Variants in ECPAS observed in about 807,000 individuals in gnomAD.
ECPAS encodes proteasome adapter and scaffold protein ECM29.
A neutral mutation model predicts 255.1 loss-of-function variants in ECPAS; 70 were observed. That is an observed-to-expected ratio of 0.27 (90% confidence interval 0.23 to 0.33). ECPAS has a LOEUF of 0.33. Ranked by LOEUF, ECPAS falls within the 10% of genes least tolerant of loss-of-function variation. The pLI, the probability that ECPAS is intolerant of heterozygous loss-of-function variation, is 1.00. For synonymous variants in ECPAS, 784 were observed against 775.0 expected, an observed-to-expected ratio of 1.01 and a Z score of -0.19; for missense variants, 1,817 against 2,206.4, an observed-to-expected ratio of 0.82 and a Z score of 3.54.
intron 20 of ECPAS, among the ~76,000 whole-genome samples, chr9:111,413,268 A>G (rs949982690): frequency 6.6e-6 from 1 of 152,240 alleles, no homozygotes; most frequent in South Asian, 2.1e-4. Context: ...GACCATCTAT[A>G]AAGATCTAGA....
intron 8 of ECPAS, 44 bp from the exon 9 acceptor site, chr9:111,430,672 C>T: frequency 7.5e-7 from 1 of 1,332,214 alleles, no homozygotes; most frequent in Non-Finnish European, 1.0e-6. Flanking sequence ...ATTTTTCCCC[C>T]TCCTTCAGTG....
chr9:111,403,045 T>C (rs1042888790), intron 24 of ECPAS, among the ~76,000 whole-genome samples: 2 of 152,086 alleles, frequency 1.3e-5, no homozygotes, highest in African/African-American at 4.8e-5. Flanking sequence ...AGACCAACTA[T>C]ATGCTGCCTA....
chr9:111,442,164 C>G, intron 5 of ECPAS, 142 bp downstream of exon 5: 1 of 538,590 alleles, frequency 1.9e-6, no homozygotes, highest in Non-Finnish European at 3.3e-6. Flanking sequence ...CTTTGAGGTA[C>G]CACGGAAAAT....
At chr9:111,446,968 G>C (rs1261367423) in intron 3 of ECPAS, among the ~76,000 whole-genome samples, 2 of 152,162 alleles carry the variant, frequency 1.3e-5, no homozygotes, top group African/African-American at 4.8e-5. Flanking sequence ...TAGGCGACAA[G>C]AGAAAACAAT....
At chr9:111,362,601 A>AT (rs1223416280) in intron 49 of ECPAS, among the ~76,000 whole-genome samples, 2 of 152,184 alleles carry the variant, frequency 1.3e-5, no homozygotes, top group African/African-American at 2.4e-5. Context: ...GGTCAGATAA[A>AT]TAGATGACAC....
At chr9:111,410,545 C>T (rs1220509585) in intron 22 of ECPAS, among the ~76,000 whole-genome samples, 1 of 152,016 alleles carries the variant, frequency 6.6e-6, no homozygotes, top group African/African-American at 2.4e-5. Context: ...GAGACAAGGT[C>T]GAGCTCTGTC....
intron 9 of ECPAS, among the ~76,000 whole-genome samples, chr9:111,429,549 C>T (rs1445003324): frequency 2.0e-5 from 3 of 152,202 alleles, no homozygotes; most frequent in South Asian, 2.1e-4. Flanking sequence ...GTTATGTGAT[C>T]AGCCAAACCT....
intron 18 of ECPAS, among the ~76,000 whole-genome samples, chr9:111,415,557 C>T (rs1473925213): frequency 6.6e-6 from 1 of 151,842 alleles, no homozygotes; most frequent in African/African-American, 2.4e-5. Flanking sequence ...CAGAATTAGC[C>T]AGGGGTGGTG....
At chr9:111,397,237 G>A in intron 24 of ECPAS, 84 bp from the exon 25 acceptor site, 2 of 1,540,452 alleles carry the variant, frequency 1.3e-6, no homozygotes, top group African/African-American at 1.4e-5. Flanking sequence ...GCTTAAAAGT[G>A]TGGTTCTGAG....
chr9:111,371,660 T>G lies in ECPAS; in HGVS notation c.4698A>C (p.Ala1566=), dbSNP rs1406557654. 6.2e-7 allele frequency: 1 copy of G among 1,613,718 alleles called. No individual in the cohort carries two copies. Among genetic ancestry groups the G allele is most frequent in the Non-Finnish European group, 8.5e-7 (1 of 1,179,788 alleles). Residue 1566 remains alanine, a synonymous_variant, in exon 43 of 50, where the codon GCA becomes GCC. Coordinates refer to ENST00000684092, the MANE Select transcript of ECPAS (RefSeq NM_001364929.1). ...VPPYLGMILT[A]LLQGLAGRTW... ...TTCTTCCAGCCAGGCCTTGCAGCAA[T>G]GCGGTCAGTATCATTCCGAGATATG...
rs2098184316 is a variant in ECPAS, at chr9:111,406,593, G to A, written c.2652+1978C>T. Among the ~76,000 whole-genome samples, 3 of 149,858 alleles carry A rather than the reference G, an allele frequency of 2.0e-5. No homozygotes were observed. In the South Asian group the frequency reaches 6.3e-4, roughly 31 times the overall value. ...CTAATTTGATCATTACACATTGTAT[G>A]CTTGTATCAATTTAAAAAATTAAAA... On this transcript the variant is annotated intron_variant, in intron 24 of 49. Transcript: ENST00000684092.
intron 15 of ECPAS, 86 bp downstream of exon 15, chr9:111,421,835 T>C: frequency 6.8e-7 from 1 of 1,464,576 alleles, no homozygotes; most frequent in Admixed American, 2.2e-5. Context: ...ATACTCCTCT[T>C]ATCAAAAGTT....
chr9:111,435,122 C>T (rs2131865521), intron 7 of ECPAS, among the ~76,000 whole-genome samples: 1 of 152,020 alleles, frequency 6.6e-6, no homozygotes, highest in South Asian at 2.1e-4. Context: ...TGGTCTCGAA[C>T]TCCTGACCTC....
rs762467039 is a variant in ECPAS at position 111,428,031 on chromosome 9, A to G, written c.1050+11T>C. The G allele has an allele frequency of 6.2e-7, 1 of 1,611,972 alleles. No individual in the cohort carries two copies. The highest frequency in any genetic ancestry group is 8.5e-7 in the Non-Finnish European group (1 of 1,179,176). On this transcript the variant is annotated intron_variant, in intron 10 of 49. Coordinates refer to ENST00000684092, the MANE Select transcript of ECPAS (RefSeq NM_001364929.1). ...CAGACAGGCCAATATTCTCTGGAAA[A>G]AACAAATTACCTGAATGTTGGCTGG...
chr9:111,397,145 C>G lies in ECPAS; in HGVS notation c.2661G>C (p.Gln887His), dbSNP rs1209832963. 6.2e-7 allele frequency: 1 copy of G among 1,613,674 alleles called. No homozygotes were observed. Among genetic ancestry groups the G allele is most frequent in the East Asian group, 2.2e-5 (1 of 44,866 alleles). ...CGCCAATAGTGAACTGAAGTTCTATCTGCTTGGCCTGCAACGAAGGAAGTA... is the reference window on the plus strand; with the variant it reads ...CGCCAATAGTGAACTGAAGTTCTATGTGCTTGGCCTGCAACGAAGGAAGTA... ...QGLMDSVEAK[Q>H]IELQFTIGEA... The change falls in exon 25 of 50, where the codon CAG (glutamine) becomes CAC (histidine). Residue 887 changes from glutamine (Q) to histidine (H), a missense_variant. Gln to His is a conservative substitution (Grantham distance 24). Around this residue, in one of 4 missense-constraint regions of ECPAS, gnomAD observed 960 missense variants for 1,179.0 expected, o/e 0.81. Transcript: ENST00000684092.
chr9:111,393,539 C>T (rs2098163321), intron 27 of ECPAS, 141 bp downstream of exon 27: 3 of 619,100 alleles, frequency 4.8e-6, no homozygotes, highest in Non-Finnish European at 8.5e-6. Context: ...AATGCTTATC[C>T]TTACTACTAA....
intron 29 of ECPAS, among the ~76,000 whole-genome samples, chr9:111,391,467 C>T (rs1369112789): frequency 6.6e-6 from 1 of 151,922 alleles, no homozygotes; most frequent in African/African-American, 2.4e-5. Context: ...ATCTCAGTTA[C>T]CTGGGAAGCT....
chr9:111,461,078 A>C (rs556671143), intron 2 of ECPAS, among the ~76,000 whole-genome samples: 1 of 152,216 alleles, frequency 6.6e-6, no homozygotes, highest in South Asian at 2.1e-4. Flanking sequence ...GATTCTTTCT[A>C]TAATTTAAAG....
intron 2 of ECPAS, among the ~76,000 whole-genome samples, chr9:111,465,543 T>G (rs999515814): frequency 1.3e-5 from 2 of 151,950 alleles, no homozygotes; most frequent in Non-Finnish European, 2.9e-5. Flanking sequence ...AAACTCCATG[T>G]CAACATTACT....
Sources: allele counts gnomAD v4.1 joint callset (sites outside exome capture counted in the v4.1 genomes callset), GRCh38; gene constraint gnomAD v4.1.1; regional missense constraint gnomAD v4.1.1; transcripts MANE v1.5; gene names NCBI Gene and HGNC (gene_info 2026-07-23, HGNC 2026-07-21).